Variants in DCLRE1A observed in about 807,000 individuals in gnomAD.
The protein encoded by DCLRE1A is DNA cross-link repair 1A.
DCLRE1A carries 64 observed loss-of-function variants against 91.9 expected under a neutral mutation model. The ratio of observed to expected loss-of-function variants is 0.70; its 90% CI spans 0.57 to 0.86. The LOEUF is 0.86. DCLRE1A is among the 40% of genes least tolerant of loss of function. The probability of loss-of-function intolerance (pLI) is 0.00; values close to 1 mark genes in which losing one functional copy is unlikely to be tolerated. For missense variants in DCLRE1A, 1,145 were observed against 1,213.3 expected, an observed-to-expected ratio of 0.94 and a Z score of 0.84; for synonymous variants, 416 against 431.1, an observed-to-expected ratio of 0.96 and a Z score of 0.43.
intron 1 of DCLRE1A, 101 bp downstream of exon 1, chr10:113,852,622 T>C (rs1193834205): frequency 1.7e-6 from 2 of 1,166,222 alleles, no homozygotes; most frequent in Non-Finnish European, 2.4e-6. Context: ...ATCTCTCTTT[T>C]AGGTTACTGC....
rs779894390 is a variant in DCLRE1A, at chr10:113,842,365, A to C, written c.2643T>G (p.Ile881Met). 3.1e-6 allele frequency: 5 copies of C among 1,613,602 alleles called. No homozygotes were observed. Among genetic ancestry groups the C allele is most frequent in the Non-Finnish European group, 4.2e-6 (5 of 1,179,624 alleles). The change falls in exon 6 of 9, where the codon ATT becomes ATG. Residue 881 changes from isoleucine to methionine, a missense_variant. Physicochemically the swap from Ile to Met is conservative, Grantham distance 10. Coordinates refer to ENST00000361384, the MANE Select transcript of DCLRE1A (RefSeq NM_014881.5). ...CACCTAGGAAGACTTTCTCTTTTCC[A>C]ATAGAGTAAGTGCCACAGACAACAA... is the stretch of plus-strand genomic sequence containing the variant. ...HALVVCGTYS[I>M]GKEKVFLAIA...
At chr10:113,843,193 G>T (rs1486861323) in intron 5 of DCLRE1A, among the ~76,000 whole-genome samples, 2 of 151,956 alleles carry the variant, frequency 1.3e-5, no homozygotes, top group African/African-American at 4.8e-5. Context: ...CACTAAAAAT[G>T]TAATAAACTG....
intron 8 of DCLRE1A, 85 bp downstream of exon 8, chr10:113,836,977 T>C (rs1845371012): frequency 6.6e-6 from 8 of 1,218,190 alleles, no homozygotes; most frequent in Non-Finnish European, 8.9e-6. Flanking sequence ...TGCCTGTTTT[T>C]GTTGGATTTG....
At chr10:113,851,824 C>T (rs775339658) in intron 1 of DCLRE1A, among the ~76,000 whole-genome samples, 5 of 151,840 alleles carry the variant, frequency 3.3e-5, no homozygotes, top group Non-Finnish European at 4.4e-5. Flanking sequence ...CTCTTGGGCT[C>T]AGGTGATCCT....
rs191390405 is a variant in DCLRE1A at position 113,844,285 on chromosome 10, G to A, written c.2379-41C>T. The A allele has an allele frequency of 3.3e-4, 527 of 1,608,520 alleles. 6 individuals are homozygous for A. The highest frequency in any genetic ancestry group is 5.4e-5 in the Non-Finnish European group (64 of 1,177,842). On this transcript the variant is annotated intron_variant, in intron 4 of 8. Coordinates refer to ENST00000361384, the MANE Select transcript of DCLRE1A (RefSeq NM_014881.5). ...AAAGGAATGTTCATAACACAGGCAAGCACCTAAAGGAACAGTATCTATTTC... is the reference window on the plus strand; with the variant it reads ...AAAGGAATGTTCATAACACAGGCAAACACCTAAAGGAACAGTATCTATTTC...
Position 113,849,721 on chromosome 10 carries a change from T to C in DCLRE1A, c.1384A>G (p.Lys462Glu). 1 of 1,614,192 alleles carries C rather than the reference T, an allele frequency of 6.2e-7. No individual in the cohort carries two copies. Among genetic ancestry groups the C allele is most frequent in the Non-Finnish European group, 8.5e-7 (1 of 1,180,032 alleles). Residue 462 changes from lysine (K) to glutamate (E), a missense_variant, in exon 2 of 9, where the codon AAG becomes GAG. Coordinates refer to ENST00000361384, the MANE Select transcript of DCLRE1A (RefSeq NM_014881.5). The stretch of plus-strand genomic sequence containing the variant: ...TCAAAAGGTTTCAACATTAAACTCT[T>C]AACTAACGGAAGAGAAACTTGATTG... ...VYNQVSLPLV[K>E]SLMLKPFESQ...
intron 5 of DCLRE1A, 105 bp downstream of exon 5, chr10:113,843,999 G>A (rs1468783001): frequency 5.5e-6 from 8 of 1,463,770 alleles, no homozygotes; most frequent in East Asian, 4.6e-5. Flanking sequence ...CTGATAAAGA[G>A]CCTTAAAATA....
chr10:113,841,666 C>A, intron 6 of DCLRE1A, 106 bp from the exon 7 acceptor site: 2 of 1,166,082 alleles, frequency 1.7e-6, no homozygotes, highest in Non-Finnish European at 2.4e-6. Flanking sequence ...AAAGGAAATT[C>A]AAAACATTCA....
At position 113,850,065 on chromosome 10, in the gene DCLRE1A, C is replaced by T. The variant is rs765546434; in HGVS notation, c.1040G>A (p.Arg347Gln). The T allele has an allele frequency of 8.1e-6, 13 of 1,613,636 alleles. 1 individual carries two copies. Among genetic ancestry groups the T allele is most frequent in the Middle Eastern group, 3.3e-4 (2 of 6,082 alleles). Residue 347 changes from arginine (R) to glutamine (Q), a missense_variant, in exon 2 of 9, where the codon CGA (arginine) becomes CAA (glutamine). Coordinates refer to ENST00000361384, the MANE Select transcript of DCLRE1A (RefSeq NM_014881.5). Reference sequence around the variant, plus strand: ...CTGGTCCTTCAGTAAGGGACCATGTCGTTTTTTAAAAAAACCACAGCTGTC... The same window carrying T: ...CTGGTCCTTCAGTAAGGGACCATGTTGTTTTTTAAAAAAACCACAGCTGTC... The part of the protein sequence containing the change: ...DDDSCGFFKK[R>Q]HGPLLKDQDE...
chr10:113,837,004 T>G, intron 8 of DCLRE1A, 58 bp downstream of exon 8: 3 of 1,420,842 alleles, frequency 2.1e-6, no homozygotes, highest in Non-Finnish European at 2.8e-6. Context: ...ATTACATTTT[T>G]TAAAATGTAA....
intron 4 of DCLRE1A, 59 bp from the exon 5 acceptor site, chr10:113,844,303 T>C (rs1845496221): frequency 1.3e-6 from 2 of 1,594,010 alleles, no homozygotes; most frequent in East Asian, 2.2e-5. Context: ...AGGAACAGTA[T>C]CTATTTCAAT....
Position 113,853,678 on chromosome 10 carries a change from T to A in DCLRE1A, c.-496A>T, listed in dbSNP as rs1253956431. ...CCCTGGACAAAGGGCTTAACAGGTA[T>A]CCCAAACACTAAATGACTATCTAAC... On this transcript the variant is annotated 5_prime_UTR_variant, in exon 1 of 9. Coordinates refer to ENST00000361384, the MANE Select transcript of DCLRE1A (RefSeq NM_014881.5). 1 of 152,900 alleles carries A rather than the reference T, an allele frequency of 6.5e-6. No individual in the cohort carries two copies. Among genetic ancestry groups the A allele is most frequent in the Non-Finnish European group, 1.5e-5 (1 of 68,638 alleles). 9.5% of individuals were successfully genotyped at this position (152,900 alleles called of 1,614,324 possible). A position where few individuals can be genotyped will look rare whatever the true frequency, so the allele number is the denominator to read the frequency against.
At position 113,852,794 on chromosome 10, in the gene DCLRE1A, G is replaced by A. The variant is rs764627614; in HGVS notation, c.389C>T (p.Ser130Phe). Residue 130 changes from serine (S) to phenylalanine (F), a missense_variant, in exon 1 of 9, where the codon TCC (serine) becomes TTC (phenylalanine). Coordinates refer to ENST00000361384, the MANE Select transcript of DCLRE1A (RefSeq NM_014881.5). ...GYCPNCQMPF[S>F]SLIGQTPRWH... ...TCGAGGTGTCTGCCCTATCAATGAG[G>A]AAAAAGGCATCTGGCAATTTGGACA... is the stretch of plus-strand genomic sequence containing the variant. The A allele has an allele frequency of 3.7e-6, 6 of 1,614,062 alleles. No individual in the cohort carries two copies. The Admixed American group carries it at 6.7e-5, about 18-fold the overall frequency.
chr10:113,848,259 GTGAGCTGAGAT>G (rs1845574593), intron 2 of DCLRE1A, among the ~76,000 whole-genome samples: 1 of 152,144 alleles, frequency 6.6e-6, no homozygotes, highest in African/African-American at 2.4e-5. Context: ...GGAGCTTGCA[GTGAGCTGAGAT>G]CGCGCCACTG....
In DCLRE1A at chr10:113,849,461, A is replaced by C. The variant is rs1343726079; in HGVS notation, c.1644T>G (p.His548Gln). ...TTTGCTTCATTACCTTGGTAGAAGGATGTCTTGCATTATACTTAAGACCAG... is the reference window on the plus strand; with the variant it reads ...TTTGCTTCATTACCTTGGTAGAAGGCTGTCTTGCATTATACTTAAGACCAG... ...LPSGLKYNAR[H>Q]PSTKVMKQMD... The change falls in exon 2 of 9, where the codon CAT becomes CAG. Residue 548 changes from histidine to glutamine, a missense_variant. Physicochemically the swap from His to Gln is conservative, Grantham distance 24 (BLOSUM62 0). Coordinates refer to ENST00000361384, the MANE Select transcript of DCLRE1A (RefSeq NM_014881.5). 1 of 1,614,138 alleles carries C rather than the reference A, an allele frequency of 6.2e-7. No individual in the cohort carries two copies. The highest frequency in any genetic ancestry group is 8.5e-7 in the Non-Finnish European group (1 of 1,180,020).
Position 113,841,388 on chromosome 10 carries a change from T to C in DCLRE1A, c.2820+18A>G, listed in dbSNP as rs1593071979. The C allele has an allele frequency of 6.2e-7, 1 of 1,608,186 alleles. No individual in the cohort carries two copies. Among genetic ancestry groups the C allele is most frequent in the Non-Finnish European group, 8.5e-7 (1 of 1,177,832 alleles). ...CCTTTTTTGTTCATCCTAAAAGACA[T>C]ATCTCTTGAATGCTTACCTTAAAAT... On this transcript the variant is annotated intron_variant, in intron 7 of 8. Coordinates refer to ENST00000361384, the MANE Select transcript of DCLRE1A (RefSeq NM_014881.5).
intron 2 of DCLRE1A, among the ~76,000 whole-genome samples, chr10:113,847,558 T>C (rs1336652285): frequency 5.5e-5 from 4 of 73,274 alleles, no homozygotes; most frequent in Admixed American, 4.0e-4. Flanking sequence ...TTGTGAATAA[T>C]TGCACCAAAA....
intron 2 of DCLRE1A, 77 bp from the exon 3 acceptor site, chr10:113,847,412 C>T: frequency 6.7e-7 from 1 of 1,487,014 alleles, no homozygotes; most frequent in Non-Finnish European, 9.1e-7. Context: ...TGAATGAACC[C>T]TCTATCCTCT....
In DCLRE1A at chr10:113,850,516, T is replaced by C. The variant is rs761482924; in HGVS notation, c.589A>G (p.Ser197Gly). The C allele has an allele frequency of 6.2e-6, 10 of 1,614,014 alleles. No homozygotes were observed. The Admixed American group carries it at 1.5e-4, about 24-fold the overall frequency. Residue 197 changes from serine to glycine, a missense_variant, in exon 2 of 9, where the codon AGT (serine) becomes GGT (glycine). Physicochemically the swap from Ser to Gly is moderately conservative, Grantham distance 56. Transcript: ENST00000361384. ...ACGCCTGACTTAGTCTCACTGAAAC[T>C]GCCACCTGACGCAGGTGATGGGCTG... ...FSSPSPASGG[S>G]FSETKSGVLC...
Sources: gnomAD v4.1 joint callset for allele counts (sites outside exome capture counted in the v4.1 genomes callset) on GRCh38, gnomAD v4.1.1 for gene constraint, MANE v1.5 for transcripts, NCBI Gene and HGNC (gene_info 2026-07-23, HGNC 2026-07-21) for gene names.